PCDHA5: variants seen among roughly 807,000 people sequenced by gnomAD.
The protein encoded by PCDHA5 is protocadherin alpha 5, also known as protocadherin alpha-5.
In PCDHA5, 43 loss-of-function variants were observed where a neutral mutation model predicts 61.6. That is an observed-to-expected ratio of 0.70 (90% CI 0.55 to 0.90). PCDHA5 has a LOEUF of 0.90. PCDHA5 is among the 40% of genes least tolerant of loss of function. The pLI, the probability that PCDHA5 is intolerant of heterozygous loss-of-function variation, is 0.00. For synonymous variants in PCDHA5, 627 were observed against 543.9 expected, an observed-to-expected ratio of 1.15 and a Z score of -2.13; for missense variants, 1,298 against 1,222.7, an observed-to-expected ratio of 1.06 and a Z score of -0.92.
chr5:140,897,923 G>A (rs371929339), intron 1 of PCDHA5, among the ~76,000 whole-genome samples: 11 of 152,078 alleles, frequency 7.2e-5, no homozygotes, highest in East Asian at 5.8e-4. Flanking sequence ...TTTGATTTGC[G>A]TTTCTCTGAT....
In PCDHA5 at chr5:140,855,793, CAT is replaced by C. The variant is rs1336692257; in HGVS notation, c.2352+31669_2352+31670del. On this transcript the variant is annotated intron_variant, in intron 1 of 3. Coordinates refer to ENST00000529859, the MANE Select transcript of PCDHA5 (RefSeq NM_018908.3). ...TAAAAATACGTAAAAAAAGAATTAA[CAT>C]ATGAATGAAAGAAAAGTTGTGAACT... 3.6e-4 allele frequency: 165 copies of C among 456,916 alleles called. 2 individuals are homozygous for C. The East Asian group carries it at 4.8e-3, about 13-fold the overall frequency. The allele number at this position is 456,916 out of a possible 1,614,324, so 28.3% of individuals were successfully genotyped here.
chr5:140,981,794 T>G (rs1290588653), intron 2 of PCDHA5, among the ~76,000 whole-genome samples: 2 of 152,150 alleles, frequency 1.3e-5, no homozygotes, highest in Non-Finnish European at 2.9e-5. Flanking sequence ...CTCTTTTCCC[T>G]TGAACAGTTT....
intron 1 of PCDHA5, among the ~76,000 whole-genome samples, chr5:140,954,167 CT>C (rs1366012595): frequency 2.6e-5 from 4 of 152,212 alleles, no homozygotes; most frequent in African/African-American, 9.6e-5. Context: ...ACCACATTTT[CT>C]TTATCCAGTC....
In PCDHA5 at chr5:141,000,421, A is replaced by ATTTTT. The variant is rs34755515; in HGVS notation, c.2501-9187_2501-9183dup. Among the ~76,000 whole-genome samples, 110 of 27,976 alleles carry ATTTTT rather than the reference A, an allele frequency of 3.9e-3. 3 individuals carry two copies. Among genetic ancestry groups the ATTTTT allele is most frequent in the Non-Finnish European group, 5.0e-3 (89 of 17,656 alleles). The allele number at this position is 27,976 out of a possible 152,430, so 18.4% of individuals were successfully genotyped here. ...TATATATATATATATATATATATATATTTTTTTTTTTTTTTTTTTTTTTGA... is the reference window on the plus strand; with the variant it reads ...TATATATATATATATATATATATATATTTTTTTTTTTTTTTTTTTTTTTTTTTTGA... On this transcript the variant is annotated intron_variant, in intron 3 of 3. Coordinates refer to ENST00000529859, the MANE Select transcript of PCDHA5 (RefSeq NM_018908.3).
intron 1 of PCDHA5, among the ~76,000 whole-genome samples, chr5:140,879,472 G>T (rs546855959): frequency 6.6e-6 from 1 of 152,318 alleles, no homozygotes; most frequent in South Asian, 2.1e-4. Context: ...GAATACCGTT[G>T]TGATTGGAAA....
At chr5:140,936,080 A>C (rs1252008478) in intron 1 of PCDHA5, among the ~76,000 whole-genome samples, 2 of 152,004 alleles carry the variant, frequency 1.3e-5, no homozygotes, top group African/African-American at 4.8e-5. Flanking sequence ...TTTAGTAGAG[A>C]CAGGGTTTCA....
chr5:140,877,684 A>C, intron 1 of PCDHA5: 1 of 1,613,768 alleles, frequency 6.2e-7, no homozygotes, highest in East Asian at 2.2e-5. Flanking sequence ...GGGCAAGCCC[A>C]CGCTGGTGTG....
At chr5:140,858,992 T>C (rs1452375472) in intron 1 of PCDHA5, 1 of 151,532 alleles carries the variant, frequency 6.6e-6, no homozygotes, top group African/African-American at 2.4e-5. Context: ...AGTTCATTGG[T>C]AAAAATTTCT....
chr5:140,964,238 T>G (rs1354844619), intron 1 of PCDHA5, among the ~76,000 whole-genome samples: 1 of 152,208 alleles, frequency 6.6e-6, no homozygotes, highest in Admixed American at 6.5e-5. Flanking sequence ...AGGCTGATTG[T>G]GTTGGCTTTA....
intron 1 of PCDHA5, among the ~76,000 whole-genome samples, chr5:140,921,264 T>C (rs2080129104): frequency 6.6e-6 from 1 of 152,210 alleles, no homozygotes; most frequent in Non-Finnish European, 1.5e-5. Flanking sequence ...CCTAGACTTT[T>C]ATACTTACTT....
At chr5:140,998,211 T>C (rs2097801578) in intron 3 of PCDHA5, among the ~76,000 whole-genome samples, 1 of 152,226 alleles carries the variant, frequency 6.6e-6, no homozygotes. Context: ...TTAATCTGTA[T>C]AACCACACCC....
chr5:140,953,050 A>C (rs1169479924), intron 1 of PCDHA5, among the ~76,000 whole-genome samples: 1 of 152,122 alleles, frequency 6.6e-6, no homozygotes, highest in African/African-American at 2.4e-5. Flanking sequence ...TGATCCAATC[A>C]CCTCTCACAG....
At chr5:140,962,350 C>A (rs78940637) in intron 1 of PCDHA5, among the ~76,000 whole-genome samples, 3,557 of 152,264 alleles carry the variant, frequency 0.023, 46 homozygotes, top group Middle Eastern at 0.034. Context: ...TAAAACTCCC[C>A]CCAATACTGG....
Position 140,849,890 on chromosome 5 carries a change from G to A in PCDHA5, c.2352+25763G>A, listed in dbSNP as rs17844330. ...AGTCCGAGTACACGGTGTTCGTGAA[G>A]GAGAACAACCCGCCGGGCTGCCACA... On this transcript the variant is annotated intron_variant, in intron 1 of 3. Transcript: ENST00000529859. 4.5e-4 allele frequency: 715 copies of A among 1,598,648 alleles called. 25 individuals are homozygous for A. In the East Asian group the frequency reaches 0.016, roughly 35 times the overall value.
intron 1 of PCDHA5, chr5:140,863,417 G>C: frequency 7.1e-6 from 5 of 701,160 alleles, no homozygotes; most frequent in African/African-American, 1.8e-5. Context: ...CTGGTGTACC[G>C]CAGCGTAGTG....
intron 1 of PCDHA5, among the ~76,000 whole-genome samples, chr5:140,970,367 TA>T (rs1554232416): frequency 6.6e-6 from 1 of 152,216 alleles, no homozygotes; most frequent in Non-Finnish European, 1.5e-5. Flanking sequence ...TGATTTGCTA[TA>T]GCTTCAAAAG....
chr5:140,988,707 G>A (rs2097310016), intron 3 of PCDHA5, among the ~76,000 whole-genome samples: 1 of 152,106 alleles, frequency 6.6e-6, no homozygotes, highest in African/African-American at 2.4e-5. Context: ...TATTTTCTTG[G>A]ACCTCTCATT....
intron 1 of PCDHA5, among the ~76,000 whole-genome samples, chr5:140,974,396 G>A (rs1413050341): frequency 6.6e-6 from 1 of 152,178 alleles, no homozygotes; most frequent in Non-Finnish European, 1.5e-5. Context: ...CATTAGGTAT[G>A]TTCTAAAGTT....
chr5:140,876,553 G>A, intron 1 of PCDHA5: 2 of 1,614,216 alleles, frequency 1.2e-6, no homozygotes, highest in African/African-American at 2.7e-5. Context: ...CCCTGTGCAA[G>A]AGGATGCTCA....
Sources: allele counts gnomAD v4.1 joint callset (sites outside exome capture counted in the v4.1 genomes callset), GRCh38; gene constraint gnomAD v4.1.1; transcripts MANE v1.5; gene names NCBI Gene and HGNC (gene_info 2026-07-23, HGNC 2026-07-21).